CNTNAP5: variants seen among roughly 807,000 people sequenced by gnomAD.
CNTNAP5 encodes contactin-associated protein-like 5.
A neutral mutation model predicts 150.2 loss-of-function variants in CNTNAP5; 72 were observed. The observed-to-expected ratio is 0.48, with a 90% confidence interval of 0.40 to 0.58. CNTNAP5 has a LOEUF of 0.58. Among genes scored for constraint, CNTNAP5 ranks in the 20% least tolerant of loss-of-function variants. The pLI, the probability that CNTNAP5 is intolerant of heterozygous loss-of-function variation, is 0.00. For synonymous variants in CNTNAP5, 672 were observed against 619.8 expected (o/e 1.08, Z -1.25); for missense variants, 1,636 against 1,626.2 (o/e 1.01, Z -0.10).
At chr2:124,418,166 C>T (rs1691973576) in intron 4 of CNTNAP5, among the ~76,000 whole-genome samples, 1 of 152,168 alleles carries the variant, frequency 6.6e-6, no homozygotes, top group Non-Finnish European at 1.5e-5. Context: ...TAAAATTATT[C>T]AGGGAAGATT....
intron 13 of CNTNAP5, among the ~76,000 whole-genome samples, chr2:124,658,890 G>A (rs1678515454): frequency 6.6e-6 from 1 of 152,146 alleles, no homozygotes; most frequent in African/African-American, 2.4e-5. Context: ...TTTTCAGGGG[G>A]CCATGGCTAG....
intron 3 of CNTNAP5, among the ~76,000 whole-genome samples, chr2:124,361,931 T>C (rs1407007993): frequency 6.6e-6 from 1 of 152,146 alleles, no homozygotes; most frequent in Non-Finnish European, 1.5e-5. Flanking sequence ...TGCAGTTTGA[T>C]CTCAGACTGC....
chr2:124,869,785 T>G, intron 21 of CNTNAP5, 23 bp downstream of exon 21: 1 of 1,383,786 alleles, frequency 7.2e-7, no homozygotes, highest in Non-Finnish European at 1.0e-6. Flanking sequence ...AGTTCATACC[T>G]TTCCAGTGGG....
intron 19 of CNTNAP5, among the ~76,000 whole-genome samples, chr2:124,865,091 A>ACTCT (rs1285008985): frequency 9.6e-5 from 14 of 146,058 alleles, no homozygotes; most frequent in African/African-American, 2.5e-4. Context: ...ACACACACAC[A>ACTCT]CTCTCTCTCT....
At chr2:124,756,138 G>A (rs985918897) in intron 14 of CNTNAP5, among the ~76,000 whole-genome samples, 1 of 151,986 alleles carries the variant, frequency 6.6e-6, no homozygotes, top group Non-Finnish European at 1.5e-5. Context: ...GCTATAAAAG[G>A]CAACATTGAT....
chr2:124,808,979 T>G (rs1430442668), intron 19 of CNTNAP5, among the ~76,000 whole-genome samples: 1 of 145,522 alleles, frequency 6.9e-6, no homozygotes, highest in Non-Finnish European at 1.5e-5. Flanking sequence ...ATGGTAAGAC[T>G]TTTTTTTTTT....
chr2:124,565,284 T>A (rs950980171), intron 11 of CNTNAP5, among the ~76,000 whole-genome samples: 2 of 152,130 alleles, frequency 1.3e-5, no homozygotes, highest in African/African-American at 4.8e-5. Flanking sequence ...TAAAAATATA[T>A]CTCATTAAAA....
intron 13 of CNTNAP5, among the ~76,000 whole-genome samples, chr2:124,710,118 T>G (rs1015025458): frequency 2.6e-5 from 4 of 152,048 alleles, no homozygotes; most frequent in African/African-American, 9.7e-5. Context: ...TATGCCGAGA[T>G]GATGGTGAGC....
Position 124,763,963 on chromosome 2 carries a change from T to G in CNTNAP5, c.2363-14T>G. ...AAAACGATAAACCATGTTGAAGGAT[T>G]TTCTCATTTGCAGGACGCTTCTGGA... On this transcript the variant is annotated splice_polypyrimidine_tract_variant and intron_variant, in intron 15 of 23. Coordinates refer to ENST00000682447, the MANE Select transcript of CNTNAP5 (RefSeq NM_001367498.1). The G allele has an allele frequency of 6.2e-7, 1 of 1,607,852 alleles. No individual in the cohort carries two copies. Among genetic ancestry groups the G allele is most frequent in the African/African-American group, 1.3e-5 (1 of 74,554 alleles).
In CNTNAP5 at chr2:124,808,079, C is replaced by T. The variant is rs1051575954; in HGVS notation, c.3217+9759C>T. ...AGGATGCAGCAAGAGCCTCCAGCTC[C>T]GATACCCACCAGCCAAATCCCACAG... is the stretch of plus-strand genomic sequence containing the variant. On this transcript the variant is annotated intron_variant, in intron 19 of 23. Transcript: ENST00000682447. Among the ~76,000 whole-genome samples the T allele has an allele frequency of 5.9e-5, 9 of 152,236 alleles. No homozygotes were observed. In the East Asian group the frequency reaches 1.2e-3, roughly 20 times the overall value.
intron 19 of CNTNAP5, among the ~76,000 whole-genome samples, chr2:124,815,518 C>T (rs1682342740): frequency 6.6e-6 from 1 of 152,118 alleles, no homozygotes; most frequent in Non-Finnish European, 1.5e-5. Context: ...TTCCCCAGAG[C>T]GGCCGAGCTT....
chr2:124,101,485 A>C (rs1683060946), intron 1 of CNTNAP5, among the ~76,000 whole-genome samples: 1 of 152,190 alleles, frequency 6.6e-6, no homozygotes. Flanking sequence ...AGGCAAGAGT[A>C]GGGAAGGGAC....
At chr2:124,140,474 C>G (rs1320927752) in intron 1 of CNTNAP5, among the ~76,000 whole-genome samples, 1 of 65,882 alleles carries the variant, frequency 1.5e-5, no homozygotes, top group African/African-American at 6.0e-5. Flanking sequence ...CAAGTGGGTC[C>G]CTGACCCCTG....
intron 3 of CNTNAP5, among the ~76,000 whole-genome samples, chr2:124,254,416 C>T (rs796935549): frequency 5.9e-5 from 9 of 152,308 alleles, no homozygotes; most frequent in African/African-American, 2.2e-4. Flanking sequence ...GTCTCCCTTT[C>T]GTGGCTCCTG....
In CNTNAP5 at chr2:124,671,071, C is replaced by T. The variant is rs780013903; in HGVS notation, c.2077+23113C>T. Among the ~76,000 whole-genome samples the T allele has an allele frequency of 2.6e-5, 4 of 152,232 alleles. No individual in the cohort carries two copies. In the South Asian group the frequency reaches 6.2e-4, roughly 24 times the overall value. ...GGCAGGGGAGTTCAGCCTGTCGCCA[C>T]GGGCCTCATTCTTCCTGTGTAAAAG... On this transcript the variant is annotated intron_variant, in intron 13 of 23. Coordinates refer to ENST00000682447, the MANE Select transcript of CNTNAP5 (RefSeq NM_001367498.1).
At chr2:124,048,723 G>C (rs1320157917) in intron 1 of CNTNAP5, among the ~76,000 whole-genome samples, 1 of 152,146 alleles carries the variant, frequency 6.6e-6, no homozygotes, top group East Asian at 1.9e-4. Flanking sequence ...GATTCACCTA[G>C]ATGGAAGTAT....
intron 13 of CNTNAP5, among the ~76,000 whole-genome samples, chr2:124,650,371 AC>A (rs1447686911): frequency 6.6e-6 from 1 of 152,174 alleles, no homozygotes; most frequent in Non-Finnish European, 1.5e-5. Context: ...CACTGCCAGG[AC>A]AGAAGCCACC....
At chr2:124,477,744 A>G (rs1184773517) in intron 7 of CNTNAP5, among the ~76,000 whole-genome samples, 2 of 151,502 alleles carry the variant, frequency 1.3e-5, no homozygotes, top group Non-Finnish European at 1.5e-5. Context: ...ATAATGTTTC[A>G]AGAAATATTT....
At chr2:124,610,034 G>T in intron 12 of CNTNAP5, 114 bp downstream of exon 12, 1 of 1,215,908 alleles carries the variant, frequency 8.2e-7, no homozygotes, top group Middle Eastern at 2.7e-4. Context: ...AGACCAACTG[G>T]TCTCCTTTGG....
Sources: gnomAD v4.1 joint callset for allele counts (sites outside exome capture counted in the v4.1 genomes callset) on GRCh38, gnomAD v4.1.1 for gene constraint, MANE v1.5 for transcripts, NCBI Gene and HGNC (gene_info 2026-07-23, HGNC 2026-07-21) for gene names.